The following LY86 variants were observed in gnomAD, a reference collection of about 807,000 sequenced individuals.
LY86 encodes MD-1, RP105-associated.
Under a neutral mutation model 17.3 loss-of-function variants are expected in LY86, and 20 were observed. The ratio of observed to expected loss-of-function variants is 1.15; its 90% CI spans 0.81 to 1.68. LY86 has a LOEUF of 1.68. Among genes scored for constraint, LY86 ranks in the 40% most tolerant of loss-of-function variants. The probability of loss-of-function intolerance (pLI) is 0.00; values close to 1 mark genes in which losing one functional copy is unlikely to be tolerated. For missense variants in LY86, 200 were observed against 191.9 expected (o/e 1.04, Z -0.25); for synonymous variants, 74 against 70.6 (o/e 1.05, Z -0.24).
At chr6:6,612,000 A>ACACTATAAGTACTGAG (rs1554124568) in intron 1 of LY86, among the ~76,000 whole-genome samples, 16 of 151,702 alleles carry the variant, frequency 1.1e-4, no homozygotes, top group Non-Finnish European at 4.4e-5. Flanking sequence ...TGAGTACTGA[A>ACACTATAAGTACTGAG]CACTATGAAA....
chr6:6,648,391 C>G (rs1421740158), intron 3 of LY86, among the ~76,000 whole-genome samples: 1 of 152,208 alleles, frequency 6.6e-6, no homozygotes, highest in Non-Finnish European at 1.5e-5. Context: ...TCTTTCCAAG[C>G]TCTTCTCAAC....
At chr6:6,598,798 C>T (rs1183459316) in intron 1 of LY86, among the ~76,000 whole-genome samples, 1 of 142,148 alleles carries the variant, frequency 7.0e-6, no homozygotes, top group African/African-American at 2.5e-5. Flanking sequence ...TTGCCTTCTC[C>T]ACATATCATT....
chr6:6,611,818 TAA>T (rs1222906234), intron 1 of LY86, among the ~76,000 whole-genome samples: 9 of 152,182 alleles, frequency 5.9e-5, no homozygotes, highest in Admixed American at 5.2e-4. Flanking sequence ...ATCGGACCGA[TAA>T]AATAGCAGGG....
At chr6:6,624,662 A>G (rs1310393870) in intron 1 of LY86, among the ~76,000 whole-genome samples, 2 of 152,218 alleles carry the variant, frequency 1.3e-5, no homozygotes, top group Non-Finnish European at 2.9e-5. Flanking sequence ...AAAAACATTA[A>G]CAAGTAAAGA....
At chr6:6,592,416 C>T (rs144345902) in intron 1 of LY86, among the ~76,000 whole-genome samples, 5 of 152,220 alleles carry the variant, frequency 3.3e-5, no homozygotes, top group East Asian at 1.9e-4. Flanking sequence ...AAACACCCAC[C>T]GATATATTTA....
At chr6:6,604,250 C>A (rs1000181940) in intron 1 of LY86, among the ~76,000 whole-genome samples, 1 of 151,874 alleles carries the variant, frequency 6.6e-6, no homozygotes. Context: ...GAAGAGTCAG[C>A]AAAATTCTAC....
At chr6:6,629,851 T>C (rs1263365759) in intron 3 of LY86, among the ~76,000 whole-genome samples, 2 of 152,238 alleles carry the variant, frequency 1.3e-5, no homozygotes, top group Non-Finnish European at 2.9e-5. Flanking sequence ...CGATAGGGCA[T>C]TGACTAAGTA....
At chr6:6,653,799 G>A (rs768887134) in intron 4 of LY86, among the ~76,000 whole-genome samples, 46 of 152,168 alleles carry the variant, frequency 3.0e-4, no homozygotes, top group Non-Finnish European at 6.0e-4. Context: ...ACCCACTTGC[G>A]TTTCCTCAGC....
At position 6,615,082 on chromosome 6, in the gene LY86, C is replaced by T. The variant is rs73718606; in HGVS notation, c.137-9844C>T. 5.5e-3 allele frequency among the ~76,000 whole-genome samples: 844 copies of T among 152,198 alleles called. 8 individuals carry two copies. Among genetic ancestry groups the T allele is most frequent in the African/African-American group, 0.019 (795 of 41,510 alleles). ...TTTGAGCCGAGTGATACACGGTAGA[C>T]GTAGGATCTCACGTTTAAGATCATA... On this transcript the variant is annotated intron_variant, in intron 1 of 4. Transcript: ENST00000230568.
intron 1 of LY86, among the ~76,000 whole-genome samples, chr6:6,616,833 C>T (rs1761565829): frequency 6.6e-6 from 1 of 152,214 alleles, no homozygotes; most frequent in African/African-American, 2.4e-5. Context: ...CGTAAACCAC[C>T]CTGTGCATCT....
chr6:6,612,538 A>AT (rs1324848671), intron 1 of LY86, among the ~76,000 whole-genome samples: 5 of 152,350 alleles, frequency 3.3e-5, no homozygotes, highest in East Asian at 1.9e-4. Context: ...CCAACCACAC[A>AT]AAAGCAACGA....
intron 1 of LY86, among the ~76,000 whole-genome samples, chr6:6,604,695 G>C (rs755876076): frequency 1.3e-5 from 2 of 152,144 alleles, no homozygotes; most frequent in Non-Finnish European, 2.9e-5. Context: ...ATGTTTATTA[G>C]CCAGAGATAT....
chr6:6,626,517 C>T (rs1761792298), intron 3 of LY86, 96 bp downstream of exon 3: 1 of 1,393,408 alleles, frequency 7.2e-7, no homozygotes, highest in Non-Finnish European at 9.9e-7. Context: ...AGAGCTCTGT[C>T]TCTGCCCCTC....
intron 1 of LY86, among the ~76,000 whole-genome samples, chr6:6,621,808 G>A (rs1032341292): frequency 2.6e-5 from 4 of 152,186 alleles, no homozygotes; most frequent in Non-Finnish European, 5.9e-5. Flanking sequence ...AAGACATTAT[G>A]TATAGCCCTG....
intron 1 of LY86, among the ~76,000 whole-genome samples, chr6:6,613,539 G>T (rs977275575): frequency 3.3e-5 from 5 of 152,134 alleles, no homozygotes; most frequent in Non-Finnish European, 7.4e-5. Context: ...CGGCCGCTCC[G>T]AGTGCGGGGC....
rs147838657 is a variant in LY86 at position 6,593,528 on chromosome 6, G to A, written c.136+4658G>A. Reference sequence around the variant, plus strand: ...TTACCTACGCAAAGGGCTGTGTGAAGATTATGTGAGAAGGACTATATGAAA... The same window carrying A: ...TTACCTACGCAAAGGGCTGTGTGAAAATTATGTGAGAAGGACTATATGAAA... On this transcript the variant is annotated intron_variant, in intron 1 of 4. Transcript: ENST00000230568. 4.1e-4 allele frequency among the ~76,000 whole-genome samples: 63 copies of A among 152,368 alleles called. 1 individual carries two copies. The highest frequency in any genetic ancestry group is 1.5e-3 in the African/African-American group (62 of 41,578).
At chr6:6,605,933 A>G (rs1443273500) in intron 1 of LY86, among the ~76,000 whole-genome samples, 1 of 152,174 alleles carries the variant, frequency 6.6e-6, no homozygotes, top group African/African-American at 2.4e-5. Flanking sequence ...AGACCTTCAC[A>G]GTATGGGTTA....
chr6:6,598,140 CTT>C (rs1201674900), intron 1 of LY86, among the ~76,000 whole-genome samples: 2 of 152,236 alleles, frequency 1.3e-5, no homozygotes, highest in African/African-American at 2.4e-5. Context: ...TAAGTCAAAA[CTT>C]TGTAAATTTA....
intron 3 of LY86, among the ~76,000 whole-genome samples, chr6:6,643,899 C>T (rs910997288): frequency 6.6e-6 from 1 of 152,236 alleles, no homozygotes; most frequent in African/African-American, 2.4e-5. Flanking sequence ...ACTGCCTCCC[C>T]TCTACCCTGC....
Sources: allele counts gnomAD v4.1 joint callset (sites outside exome capture counted in the v4.1 genomes callset), GRCh38; gene constraint gnomAD v4.1.1; transcripts MANE v1.5; gene names NCBI Gene and HGNC (gene_info 2026-07-23, HGNC 2026-07-21).